ZNF865: variants seen among roughly 807,000 people sequenced by gnomAD.
The protein encoded by ZNF865 is zinc finger protein 865.
For missense variants in ZNF865, 1,311 were observed against 1,593.4 expected, an observed-to-expected ratio of 0.82 and a Z score of 3.02; for synonymous variants, 763 against 750.8, an observed-to-expected ratio of 1.02 and a Z score of -0.27.
chr19:55,613,489 G>A, intron 1 of ZNF865, 104 bp from the exon 2 acceptor site: 1 of 1,091,384 alleles, frequency 9.2e-7, no homozygotes, highest in Non-Finnish European at 1.3e-6. Context: ...GGAAGGCTAG[G>A]GGGTGATCCG....
In ZNF865 at chr19:55,613,601, GTC is replaced by G; in HGVS notation, c.-15_-14del. 1.3e-6 allele frequency: 2 copies of G among 1,501,304 alleles called. No homozygotes were observed. The highest frequency in any genetic ancestry group is 1.8e-6 in the Non-Finnish European group (2 of 1,129,974). 93.0% of individuals were successfully genotyped at this position (1,501,304 alleles called of 1,614,324 possible). A position where few individuals can be genotyped will look rare whatever the true frequency, so the allele number is the denominator to read the frequency against. ...CGTCCTCCTCTTCACAGGGTCTCCC[GTC>G]TCCCACCCGCCGGAGATGGAGGCGA... is the stretch of plus-strand genomic sequence containing the variant. On this transcript the variant is annotated 5_prime_UTR_variant, in exon 2 of 2. Coordinates refer to ENST00000568956, the MANE Select transcript of ZNF865 (RefSeq NM_001195605.2).
chr19:55,614,928 C>T lies in ZNF865; in HGVS notation c.1310C>T (p.Pro437Leu). The T allele has an allele frequency of 8.7e-6, 13 of 1,486,314 alleles. No individual in the cohort carries two copies. Among genetic ancestry groups the T allele is most frequent in the Non-Finnish European group, 1.2e-5 (13 of 1,124,068 alleles). 92.1% of individuals were successfully genotyped at this position (1,486,314 alleles called of 1,614,324 possible). A position where few individuals can be genotyped will look rare whatever the true frequency, so the allele number is the denominator to read the frequency against. Reference sequence around the variant, plus strand: ...CACGCGGGGGCGGGCGCCGGGGGGCCTCGGCCCGTGTACCCCTGCGACCTG... The same window carrying T: ...CACGCGGGGGCGGGCGCCGGGGGGCTTCGGCCCGTGTACCCCTGCGACCTG... ...AAHAGAGAGG[P>L]RPVYPCDLCG... The change falls in exon 2 of 2, where the codon CCT (proline) becomes CTT (leucine). Residue 437 changes from proline to leucine, a missense_variant. Pro to Leu is a moderately conservative substitution (Grantham distance 98). Transcript: ENST00000568956. The surrounding 1 kb of genome is among the most constrained non-coding windows in gnomAD (Gnocchi z 8.0).
Position 55,614,461 on chromosome 19 carries a change from G to C in ZNF865, c.843G>C (p.Ala281=). 1 of 1,416,608 alleles carries C rather than the reference G, an allele frequency of 7.1e-7. No homozygotes were observed. Among genetic ancestry groups the C allele is most frequent in the Non-Finnish European group, 9.2e-7 (1 of 1,084,678 alleles). The allele number at this position is 1,416,608 out of a possible 1,614,324, so 87.8% of individuals were successfully genotyped here. ...GCCACAAGGACGTGCCACCGGCCGC[G>C]GGGGGCCCGCCCCAGCCCGGCCCCC... ...RRCHKDVPPA[A]GGPPQPGPHL... Residue 281 remains alanine, a synonymous_variant, in exon 2 of 2, where the codon GCG becomes GCC. Coordinates refer to ENST00000568956, the MANE Select transcript of ZNF865 (RefSeq NM_001195605.2). This position sits in a 1 kb window ranked among gnomAD's most constrained non-coding sequence, Gnocchi z 8.0.
Position 55,613,879 on chromosome 19 carries a change from C to T in ZNF865, c.261C>T (p.Pro87=). The T allele has an allele frequency of 6.6e-7, 1 of 1,504,548 alleles. No homozygotes were observed. The highest frequency in any genetic ancestry group is 2.5e-5 in the East Asian group (1 of 40,320). 93.2% of individuals were successfully genotyped at this position (1,504,548 alleles called of 1,614,324 possible). Reference sequence around the variant, plus strand: ...ACCCGCCCCAGTCCACCTTCAAGCCCAAGGCGGAGGTGCCCTCCTCGTCCT... The same window carrying T: ...ACCCGCCCCAGTCCACCTTCAAGCCTAAGGCGGAGGTGCCCTCCTCGTCCT... The part of the protein sequence containing the change: ...YDYPPQSTFK[P]KAEVPSSSSS... Residue 87 remains proline, a synonymous_variant, in exon 2 of 2, where the codon CCC becomes CCT. Transcript: ENST00000568956.
rs1981149492 is a variant in ZNF865 at position 55,611,896 on chromosome 19, T to C, written c.-26-1697T>C. On this transcript the variant is annotated intron_variant, in intron 1 of 1. Coordinates refer to ENST00000568956, the MANE Select transcript of ZNF865 (RefSeq NM_001195605.2). The surrounding 1 kb of genome is among the most constrained non-coding windows in gnomAD (Gnocchi z 4.5). ...TCAGTTACGGGTGCTGAGGGTCTGG[T>C]GTGGTGTGGGGTACACACATGGATA... Among the ~76,000 whole-genome samples, 1 of 152,056 alleles carries C rather than the reference T, an allele frequency of 6.6e-6. No homozygotes were observed. The highest frequency in any genetic ancestry group is 1.5e-5 in the Non-Finnish European group (1 of 68,014).
At chr19:55,607,495 C>G (rs550046920) in intron 1 of ZNF865, among the ~76,000 whole-genome samples, 62 of 151,068 alleles carry the variant, frequency 4.1e-4, no homozygotes, top group Non-Finnish European at 6.5e-4. Flanking sequence ...CTGTAGTCCC[C>G]AGCTATTCAG....
At chr19:55,608,477 G>A (rs1388430905) in intron 1 of ZNF865, among the ~76,000 whole-genome samples, 4 of 152,074 alleles carry the variant, frequency 2.6e-5, no homozygotes, top group Non-Finnish European at 5.9e-5. Context: ...ACCACGCCCA[G>A]CTAATTTTGT....
Position 55,614,212 on chromosome 19 carries a change from CGCG to C in ZNF865, c.603_605del (p.Ala202del). The stretch of plus-strand genomic sequence containing the variant: ...CCTCGCAGACCCCGCCAGGACCCCC[CGCG>C]GCGGCGGCCTGCGACCCCACCAAGG... On this transcript the variant is annotated inframe_deletion, in exon 2 of 2. Coordinates refer to ENST00000568956, the MANE Select transcript of ZNF865 (RefSeq NM_001195605.2). The surrounding 1 kb of genome is among the most constrained non-coding windows in gnomAD (Gnocchi z 8.0). 6.6e-7 allele frequency: 1 copy of C among 1,506,378 alleles called. No homozygotes were observed. The highest frequency in any genetic ancestry group is 8.8e-7 in the Non-Finnish European group (1 of 1,133,320). 93.3% of individuals were successfully genotyped at this position (1,506,378 alleles called of 1,614,324 possible).
rs1239784776 is a variant in ZNF865 at position 55,611,670 on chromosome 19, A to C, written c.-26-1923A>C. Among the ~76,000 whole-genome samples, 2 of 152,074 alleles carry C rather than the reference A, an allele frequency of 1.3e-5. No individual in the cohort carries two copies. Among genetic ancestry groups the C allele is most frequent in the Non-Finnish European group, 1.5e-5 (1 of 68,010 alleles). The stretch of plus-strand genomic sequence containing the variant: ...ACCTGTGGGAGGAGAGAGCAGCCCG[A>C]TGGATAGAGGATAAAGGGTCCAGGC... On this transcript the variant is annotated intron_variant, in intron 1 of 1. Coordinates refer to ENST00000568956, the MANE Select transcript of ZNF865 (RefSeq NM_001195605.2). This position sits in a 1 kb window ranked among gnomAD's most constrained non-coding sequence, Gnocchi z 4.5.
chr19:55,613,477 C>G (rs1166987783), intron 1 of ZNF865, 116 bp from the exon 2 acceptor site: 1 of 1,003,192 alleles, frequency 1.0e-6, no homozygotes, highest in Non-Finnish European at 1.4e-6. Flanking sequence ...AAGCCTAAAT[C>G]TGGAAGGCTA....
At position 55,614,172 on chromosome 19, in the gene ZNF865, G is replaced by A. The variant is rs1204696622; in HGVS notation, c.554G>A (p.Gly185Glu). Residue 185 changes from glycine (G) to glutamate (E), a missense_variant, in exon 2 of 2, where the codon GGG becomes GAG. Gly to Glu is a moderately conservative substitution (Grantham distance 98, BLOSUM62 -2). Coordinates refer to ENST00000568956, the MANE Select transcript of ZNF865 (RefSeq NM_001195605.2). The surrounding 1 kb of genome is among the most constrained non-coding windows in gnomAD (Gnocchi z 8.0). ...PGLGAPAGAP[G>E]PLPAPSQTPP... Reference sequence around the variant, plus strand: ...CTGGGCGCTCCCGCGGGGGCCCCAGGGCCGCTTCCTGCCCCCTCGCAGACC... The same window carrying A: ...CTGGGCGCTCCCGCGGGGGCCCCAGAGCCGCTTCCTGCCCCCTCGCAGACC... 6.8e-7 allele frequency: 1 copy of A among 1,477,116 alleles called. No homozygotes were observed. The highest frequency in any genetic ancestry group is 2.7e-5 in the East Asian group (1 of 36,938). The allele number at this position is 1,477,116 out of a possible 1,614,324, so 91.5% of individuals were successfully genotyped here.
intron 1 of ZNF865, among the ~76,000 whole-genome samples, chr19:55,609,044 AAC>A (rs1207834616): frequency 7.9e-5 from 12 of 152,000 alleles, no homozygotes; most frequent in Non-Finnish European, 1.8e-4. Flanking sequence ...GTTTTTGAGA[AAC>A]AGAGTCTCAC....
Position 55,615,725 on chromosome 19 carries a change from G to C in ZNF865, c.2107G>C (p.Gly703Arg). ...AEKPYGCDAC[G>R]KTFGFIENLM... is the part of the protein sequence containing the mutation. ...GAAGCCATACGGCTGCGACGCCTGC[G>C]GCAAGACCTTCGGCTTCATCGAGAA... The change falls in exon 2 of 2, where the codon GGC becomes CGC. Residue 703 changes from glycine (G) to arginine (R), a missense_variant. Gly to Arg is a moderately radical substitution (Grantham distance 125, BLOSUM62 -2). Coordinates refer to ENST00000568956, the MANE Select transcript of ZNF865 (RefSeq NM_001195605.2). 1 of 1,534,112 alleles carries C rather than the reference G, an allele frequency of 6.5e-7. No individual in the cohort carries two copies. The highest frequency in any genetic ancestry group is 8.7e-7 in the Non-Finnish European group (1 of 1,146,042).
rs1452813126 is a variant in ZNF865, at chr19:55,615,709, C to T, written c.2091C>T (p.Tyr697=). The T allele has an allele frequency of 1.4e-5, 22 of 1,534,068 alleles. No homozygotes were observed. Among genetic ancestry groups the T allele is most frequent in the African/African-American group, 2.7e-5 (2 of 72,828 alleles). The change falls in exon 2 of 2, where the codon TAC becomes TAT. Residue 697 remains tyrosine (Y), a synonymous_variant. Transcript: ENST00000568956. ...HKEVHMAEKP[Y]GCDACGKTFG... is the part of the protein sequence containing the mutation. ...AGGTCCACATGGCAGAGAAGCCATACGGCTGCGACGCCTGCGGCAAGACCT... is the reference window on the plus strand; with the variant it reads ...AGGTCCACATGGCAGAGAAGCCATATGGCTGCGACGCCTGCGGCAAGACCT...
At chr19:55,613,316 A>C (rs1324558546) in intron 1 of ZNF865, among the ~76,000 whole-genome samples, 1 of 152,044 alleles carries the variant, frequency 6.6e-6, no homozygotes, top group African/African-American at 2.4e-5. Flanking sequence ...AAAGATGGGG[A>C]GAGATGGAAG....
In ZNF865 at chr19:55,616,940, C is replaced by G. The variant is rs1292431555; in HGVS notation, c.*142C>G. 5 of 867,888 alleles carry G rather than the reference C, an allele frequency of 5.8e-6. No individual in the cohort carries two copies. The highest frequency in any genetic ancestry group is 8.2e-6 in the Non-Finnish European group (5 of 610,632). 53.8% of individuals were successfully genotyped at this position (867,888 alleles called of 1,614,324 possible). On this transcript the variant is annotated 3_prime_UTR_variant, in exon 2 of 2. Coordinates refer to ENST00000568956, the MANE Select transcript of ZNF865 (RefSeq NM_001195605.2). ...GACTGGCGACCTTCAGGGCGCACGC[C>G]CGACAGGCTCAAGACTGAATCACTC...
chr19:55,616,422 G>T lies in ZNF865; in HGVS notation c.2804G>T (p.Ser935Ile), dbSNP rs1248499990. ...GCTGTGGCCCGGCCCCAGCGCTGCAGCGCCTGTGGCAAGACCTTCCGCTAC... is the reference window on the plus strand; with the variant it reads ...GCTGTGGCCCGGCCCCAGCGCTGCATCGCCTGTGGCAAGACCTTCCGCTAC... ...LHAVARPQRC[S>I]ACGKTFRYRS... Residue 935 changes from serine (S) to isoleucine (I), a missense_variant, in exon 2 of 2, where the codon AGC becomes ATC. By Grantham distance (142) the Ser-to-Ile change is moderately radical. Coordinates refer to ENST00000568956, the MANE Select transcript of ZNF865 (RefSeq NM_001195605.2). 1 of 1,512,198 alleles carries T rather than the reference G, an allele frequency of 6.6e-7. No homozygotes were observed. Among genetic ancestry groups the T allele is most frequent in the Admixed American group, 2.1e-5 (1 of 46,644 alleles). The allele number at this position is 1,512,198 out of a possible 1,614,324, so 93.7% of individuals were successfully genotyped here.
Position 55,616,137 on chromosome 19 carries a change from G to A in ZNF865, c.2519G>A (p.Arg840His), listed in dbSNP as rs1465279231. The change falls in exon 2 of 2, where the codon CGC (arginine) becomes CAC (histidine). Residue 840 changes from arginine (R) to histidine (H), a missense_variant. Coordinates refer to ENST00000568956, the MANE Select transcript of ZNF865 (RefSeq NM_001195605.2). ...AGAYDLLLHRRSHRQKRGFRC... is the reference protein window; with the variant it reads ...AGAYDLLLHRHSHRQKRGFRC... ...GCCTACGACTTGCTCCTACACCGCCGCAGCCATCGGCAGAAGCGGGGTTTC... is the reference window on the plus strand; with the variant it reads ...GCCTACGACTTGCTCCTACACCGCCACAGCCATCGGCAGAAGCGGGGTTTC... 4 of 1,498,418 alleles carry A rather than the reference G, an allele frequency of 2.7e-6. No individual in the cohort carries two copies. Among genetic ancestry groups the A allele is most frequent in the African/African-American group, 1.4e-5 (1 of 71,114 alleles). 92.8% of individuals were successfully genotyped at this position (1,498,418 alleles called of 1,614,324 possible).
At position 55,614,824 on chromosome 19, in the gene ZNF865, C is replaced by T. The variant is rs774799346; in HGVS notation, c.1206C>T (p.Ala402=). The T allele has an allele frequency of 1.5e-4, 227 of 1,536,958 alleles. No individual in the cohort carries two copies. The highest frequency in any genetic ancestry group is 1.8e-4 in the Non-Finnish European group (208 of 1,148,418). ...SLKRHVKTHS[A]DLLRLPCGIC... ...AGCGCCACGTGAAGACGCACTCGGC[C>T]GACCTCCTGCGCCTGCCCTGCGGCA... The change falls in exon 2 of 2, where the codon GCC becomes GCT. Residue 402 remains alanine (A), a synonymous_variant. Coordinates refer to ENST00000568956, the MANE Select transcript of ZNF865 (RefSeq NM_001195605.2). This position sits in a 1 kb window ranked among gnomAD's most constrained non-coding sequence, Gnocchi z 8.0.
Sources: gnomAD v4.1 joint callset for allele counts (sites outside exome capture counted in the v4.1 genomes callset) on GRCh38, gnomAD v4.1.1 for gene constraint, Gnocchi (gnomAD v3.1) non-coding constraint, MANE v1.5 for transcripts, NCBI Gene and HGNC (gene_info 2026-07-23, HGNC 2026-07-21) for gene names.